PRMT8: variants seen among roughly 807,000 people sequenced by gnomAD.
PRMT8 encodes protein arginine N-methyltransferase 8.
A neutral mutation model predicts 47.1 loss-of-function variants in PRMT8; 7 were observed. That is an observed-to-expected ratio of 0.15 (90% CI 0.08 to 0.28). The LOEUF (loss-of-function observed/expected upper bound fraction) is 0.28, where lower values mean the gene tolerates loss of function less well. PRMT8 is among the 10% of genes least tolerant of loss of function. The pLI is 1.00. For synonymous variants in PRMT8, 188 were observed against 186.5 expected (o/e 1.01, Z -0.07); for missense variants, 237 against 505.4 (o/e 0.47, Z 5.09).
chr12:3,553,449 A>G (rs923785896), intron 3 of PRMT8: 7 of 607,786 alleles, frequency 1.2e-5, no homozygotes, highest in Non-Finnish European at 2.1e-5. Context: ...CTTTTCGCAA[A>G]GGCAGCCCAA....
intron 1 of PRMT8, among the ~76,000 whole-genome samples, chr12:3,445,870 G>A (rs1431803517): frequency 1.3e-5 from 2 of 152,150 alleles, no homozygotes; most frequent in South Asian, 2.1e-4. Context: ...TATTTACTGC[G>A]GTCAGCTGTG....
At chr12:3,486,674 A>C (rs1865326382), upstream of PRMT8, among the ~76,000 whole-genome samples, 1 of 152,168 alleles carries the variant, frequency 6.6e-6, no homozygotes, top group African/African-American at 2.4e-5. Context: ...AGCACAACAG[A>C]ATCTTTTGGG....
chr12:3,512,373 T>G (rs1865726092), intron 1 of PRMT8, among the ~76,000 whole-genome samples: 1 of 152,164 alleles, frequency 6.6e-6, no homozygotes, highest in Admixed American at 6.5e-5. Context: ...AGATCTGCAC[T>G]TCTGGCTGGA....
chr12:3,413,199 T>G (rs573603561), intron 1 of PRMT8, among the ~76,000 whole-genome samples: 1 of 152,134 alleles, frequency 6.6e-6, no homozygotes, highest in African/African-American at 2.4e-5. Context: ...ACCATATTGG[T>G]CAGGCTGTTC....
chr12:3,459,135 A>G (rs1865009205), intron 1 of PRMT8, among the ~76,000 whole-genome samples: 1 of 152,166 alleles, frequency 6.6e-6, no homozygotes. Context: ...ATTTAACCTA[A>G]TCTTGGAAAT....
In PRMT8 at chr12:3,593,486, T is replaced by G. The variant is rs1421952290; in HGVS notation, c.*304T>G. 2 of 381,810 alleles carry G rather than the reference T, an allele frequency of 5.2e-6. No homozygotes were observed. The highest frequency in any genetic ancestry group is 1.3e-4 in the East Asian group (2 of 15,406). 23.7% of individuals were successfully genotyped at this position (381,810 alleles called of 1,614,324 possible). ...GTATTCGCGTCTCCCCGTCTCCTCC[T>G]TAACTGTGACTCTCCGGGTCTTCTG... On this transcript the variant is annotated 3_prime_UTR_variant, in exon 10 of 10. Transcript: ENST00000382622. The surrounding 1 kb of genome is among the most constrained non-coding windows in gnomAD (Gnocchi z 4.8).
rs1865750625 is a variant in PRMT8, at chr12:3,514,013, G to C, written c.75+22313G>C. Reference sequence around the variant, plus strand: ...CCTTCTTGAGCCCCCGGATACTGAAGGATCAGGCAGATCCGGGCAGAGGCA... The same window carrying C: ...CCTTCTTGAGCCCCCGGATACTGAACGATCAGGCAGATCCGGGCAGAGGCA... On this transcript the variant is annotated intron_variant, in intron 1 of 9. Transcript: ENST00000382622. The surrounding 1 kb of genome is among the most constrained non-coding windows in gnomAD (Gnocchi z 5.9). 6.6e-6 allele frequency among the ~76,000 whole-genome samples: 1 copy of C among 152,196 alleles called. No individual in the cohort carries two copies. Among genetic ancestry groups the C allele is most frequent in the African/African-American group, 2.4e-5 (1 of 41,446 alleles).
chr12:3,593,343 G>A lies in PRMT8; in HGVS notation c.*161G>A. 1.6e-6 allele frequency: 1 copy of A among 618,894 alleles called. No individual in the cohort carries two copies. Among genetic ancestry groups the A allele is most frequent in the Non-Finnish European group, 2.8e-6 (1 of 358,606 alleles). 38.3% of individuals were successfully genotyped at this position (618,894 alleles called of 1,614,324 possible). On this transcript the variant is annotated 3_prime_UTR_variant, in exon 10 of 10. Transcript: ENST00000382622. The surrounding 1 kb of genome is among the most constrained non-coding windows in gnomAD (Gnocchi z 4.8). ...ACTCCCCAGGGCTCCCGTGGGCTCTGCCACTGGACAGAAGGCCTCCAGCTC... is the reference window on the plus strand; with the variant it reads ...ACTCCCCAGGGCTCCCGTGGGCTCTACCACTGGACAGAAGGCCTCCAGCTC...
chr12:3,578,122 AT>A (rs891309021), intron 7 of PRMT8, among the ~76,000 whole-genome samples: 13 of 152,098 alleles, frequency 8.5e-5, no homozygotes, highest in African/African-American at 1.2e-4. Flanking sequence ...AGCCAAAAAA[AT>A]TTTTTTTGAG....
rs1202222238 is a variant in PRMT8 at position 3,557,148 on chromosome 12, G to A, written c.481+3434G>A. ...CAGATAGGCTGGGGGAGTGAGGATTGCTGCGATGTGTCTGATGCCTGTAGA... is the reference window on the plus strand; with the variant it reads ...CAGATAGGCTGGGGGAGTGAGGATTACTGCGATGTGTCTGATGCCTGTAGA... On this transcript the variant is annotated intron_variant, in intron 4 of 9. Transcript: ENST00000382622. The surrounding 1 kb of genome is among the most constrained non-coding windows in gnomAD (Gnocchi z 4.7). 6.6e-6 allele frequency among the ~76,000 whole-genome samples: 1 copy of A among 152,164 alleles called. No individual in the cohort carries two copies. The highest frequency in any genetic ancestry group is 1.5e-5 in the Non-Finnish European group (1 of 68,026).
intron 1 of PRMT8, among the ~76,000 whole-genome samples, chr12:3,459,071 T>C (rs1452671874): frequency 1.3e-5 from 2 of 152,216 alleles, no homozygotes; most frequent in Non-Finnish European, 2.9e-5. Context: ...GGTGGGGCAA[T>C]GGTTCCACCT....
At chr12:3,568,634 C>T (rs1866778457) in intron 4 of PRMT8, 72 bp from the exon 5 acceptor site, 2 of 1,570,820 alleles carry the variant, frequency 1.3e-6, no homozygotes, top group Admixed American at 1.7e-5. Context: ...GAGATCTGGC[C>T]CTGAAGTGAG....
chr12:3,547,494 G>A (rs976441174), intron 2 of PRMT8, among the ~76,000 whole-genome samples: 1 of 152,002 alleles, frequency 6.6e-6, no homozygotes, highest in Non-Finnish European at 1.5e-5. Flanking sequence ...ATAGTTGAAT[G>A]GGGCCAGGCA....
At chr12:3,591,088 G>A (rs939311614) in intron 8 of PRMT8, among the ~76,000 whole-genome samples, 1 of 152,160 alleles carries the variant, frequency 6.6e-6, no homozygotes, top group Non-Finnish European at 1.5e-5. Flanking sequence ...AGGAGGGAGA[G>A]GAAGGATTTC....
At chr12:3,481,554 C>A (rs150421157) in intron 1 of PRMT8, among the ~76,000 whole-genome samples, 3 of 152,296 alleles carry the variant, frequency 2.0e-5, no homozygotes, top group Admixed American at 1.3e-4. Flanking sequence ...TGGGATGCAG[C>A]AGCCCTGGCA....
At chr12:3,466,429 T>C (rs1378364326) in intron 1 of PRMT8, among the ~76,000 whole-genome samples, 2 of 152,178 alleles carry the variant, frequency 1.3e-5, no homozygotes, top group Non-Finnish European at 2.9e-5. Context: ...GGCCCTGTTG[T>C]AGGTTAGTAG....
chr12:3,424,515 G>A (rs1864581110), intron 1 of PRMT8, among the ~76,000 whole-genome samples: 1 of 152,030 alleles, frequency 6.6e-6, no homozygotes, highest in African/African-American at 2.4e-5. Context: ...ATTAATGATA[G>A]CACAGGCATC....
At chr12:3,484,433 C>T (rs929629929) in intron 1 of PRMT8, among the ~76,000 whole-genome samples, 7 of 152,314 alleles carry the variant, frequency 4.6e-5, no homozygotes, top group Admixed American at 3.3e-4. Flanking sequence ...GCACGCTGAC[C>T]CCTGCTGTCA....
chr12:3,440,464 C>CAAACAAAACAAAACA lies in PRMT8; in HGVS notation c.48+59037_48+59051dup, dbSNP rs58748503. The stretch of plus-strand genomic sequence containing the variant: ...GAGACAGAGCAAGACTCCGTCAAAA[C>CAAACAAAACAAAACA]AAACAAAACAAAACAAAACAAAACA... On this transcript the variant is annotated intron_variant, in intron 1 of 9. Transcript: ENST00000452611. Among the ~76,000 whole-genome samples, 75 of 148,402 alleles carry CAAACAAAACAAAACA rather than the reference C, an allele frequency of 5.1e-4. 1 individual carries two copies. In the East Asian group the frequency reaches 0.013, roughly 26 times the overall value.
Sources: gnomAD v4.1 joint callset for allele counts (sites outside exome capture counted in the v4.1 genomes callset) on GRCh38, gnomAD v4.1.1 for gene constraint, Gnocchi (gnomAD v3.1) non-coding constraint, MANE v1.5 for transcripts, NCBI Gene and HGNC (gene_info 2026-07-23, HGNC 2026-07-21) for gene names.